SH3GL3: variants seen among roughly 807,000 people sequenced by gnomAD.
The protein encoded by SH3GL3 is SH3 domain containing GRB2 like 3, endophilin A3, also known as endophilin-A3.
A neutral mutation model predicts 47.7 loss-of-function variants in SH3GL3; 33 were observed. The observed-to-expected ratio is 0.69, with a 90% CI of 0.52 to 0.92. The LOEUF is 0.92. Ranked by LOEUF, SH3GL3 falls within the 40% of genes least tolerant of loss-of-function variation. The pLI is 0.00. For synonymous variants in SH3GL3, 155 were observed against 148.8 expected, an observed-to-expected ratio of 1.04 and a Z score of -0.30; for missense variants, 363 against 417.8, an observed-to-expected ratio of 0.87 and a Z score of 1.14.
intron 1 of SH3GL3, among the ~76,000 whole-genome samples, chr15:83,465,987 C>T (rs1411855509): frequency 6.6e-6 from 1 of 152,146 alleles, no homozygotes; most frequent in African/African-American, 2.4e-5. Flanking sequence ...AGGTCCACTA[C>T]CACAAAGATC....
intron 1 of SH3GL3, among the ~76,000 whole-genome samples, chr15:83,497,845 C>G (rs975397729): frequency 6.6e-6 from 1 of 152,224 alleles, no homozygotes; most frequent in African/African-American, 2.4e-5. Flanking sequence ...CAACTCTGCT[C>G]TGTTGTGGAT....
At chr15:83,497,335 C>G (rs1040517318) in intron 1 of SH3GL3, among the ~76,000 whole-genome samples, 1 of 152,034 alleles carries the variant, frequency 6.6e-6, no homozygotes, top group Admixed American at 6.6e-5. Flanking sequence ...GCCTATTGTT[C>G]GAGGAATGCA....
At chr15:83,584,938 A>G (rs1339017022) in intron 6 of SH3GL3, among the ~76,000 whole-genome samples, 1 of 152,116 alleles carries the variant, frequency 6.6e-6, no homozygotes, top group Non-Finnish European at 1.5e-5. Flanking sequence ...TTGTTGCTTT[A>G]TCTTGGTTCT....
At chr15:83,581,018 C>T (rs1354140981) in intron 6 of SH3GL3, among the ~76,000 whole-genome samples, 1 of 152,236 alleles carries the variant, frequency 6.6e-6, no homozygotes, top group Non-Finnish European at 1.5e-5. Context: ...CTGTCCATCT[C>T]TGTTTGGCAC....
chr15:83,466,744 C>G (rs1270059054), intron 1 of SH3GL3, among the ~76,000 whole-genome samples: 1 of 152,140 alleles, frequency 6.6e-6, no homozygotes. Flanking sequence ...TTTAGCCTTT[C>G]TGTTAGATGT....
intron 1 of SH3GL3, among the ~76,000 whole-genome samples, chr15:83,487,878 C>CTTTTT (rs58188472): frequency 7.3e-6 from 1 of 137,638 alleles, no homozygotes; most frequent in South Asian, 2.3e-4. Context: ...TTTTTCTTTT[C>CTTTTT]TTTTTTTTTT....
downstream of SH3GL3, among the ~76,000 whole-genome samples, chr15:83,621,980 T>A (rs989108968): frequency 2.0e-5 from 3 of 151,300 alleles, no homozygotes; most frequent in African/African-American, 7.3e-5. Flanking sequence ...CAGCCAGCTA[T>A]ACACACACAC....
At chr15:83,542,127 T>C (rs555892368) in intron 1 of SH3GL3, among the ~76,000 whole-genome samples, 1 of 152,290 alleles carries the variant, frequency 6.6e-6, no homozygotes, top group East Asian at 1.9e-4. Flanking sequence ...CTTTAATCCA[T>C]TTTGATTTGA....
At chr15:83,463,646 A>G (rs2040412772) in intron 1 of SH3GL3, among the ~76,000 whole-genome samples, 1 of 151,714 alleles carries the variant, frequency 6.6e-6, no homozygotes, top group African/African-American at 2.4e-5. Flanking sequence ...CCTCTCTAGT[A>G]TCTCCTGTCT....
intron 1 of SH3GL3, among the ~76,000 whole-genome samples, chr15:83,458,309 G>A (rs1293538362): frequency 6.6e-6 from 1 of 152,160 alleles, no homozygotes; most frequent in Non-Finnish European, 1.5e-5. Context: ...CTTTCCCAAT[G>A]GGAATTCCTT....
rs2060304733 is a variant in SH3GL3 at position 83,598,876 on chromosome 15, T to G, written c.838+10105T>G. On this transcript the variant is annotated intron_variant, in intron 8 of 8. Transcript: ENST00000427482. Reference sequence around the variant, plus strand: ...TTTCCATTGTAATTATTTTCATGCTTACAGTCTCTATAGCATGTGGTACTA... The same window carrying G: ...TTTCCATTGTAATTATTTTCATGCTGACAGTCTCTATAGCATGTGGTACTA... Among the ~76,000 whole-genome samples the G allele has an allele frequency of 2.0e-5, 3 of 152,236 alleles. No individual in the cohort carries two copies. In the South Asian group the frequency reaches 6.2e-4, roughly 31 times the overall value.
chr15:83,519,617 A>G (rs187117408), intron 1 of SH3GL3, among the ~76,000 whole-genome samples: 64 of 152,280 alleles, frequency 4.2e-4, no homozygotes, highest in African/African-American at 1.5e-3. Flanking sequence ...GTGAAGAGAA[A>G]TACTTTCACT....
intron 8 of SH3GL3, among the ~76,000 whole-genome samples, chr15:83,594,387 A>G (rs1174282011): frequency 6.6e-6 from 1 of 152,224 alleles, no homozygotes; most frequent in Non-Finnish European, 1.5e-5. Context: ...CTTACAGAAA[A>G]GTTGTGACGA....
intron 1 of SH3GL3, among the ~76,000 whole-genome samples, chr15:83,472,103 C>G (rs180946430): frequency 2.0e-5 from 3 of 152,154 alleles, no homozygotes; most frequent in Admixed American, 6.5e-5. Flanking sequence ...AGGCTCATCT[C>G]GAACTCCTGA....
chr15:83,613,427 T>C (rs1459633091), intron 8 of SH3GL3, among the ~76,000 whole-genome samples: 1 of 152,118 alleles, frequency 6.6e-6, no homozygotes. Flanking sequence ...ATGAATGACA[T>C]GAGAAGTGAG....
chr15:83,574,852 C>T (rs1193785594), intron 5 of SH3GL3, among the ~76,000 whole-genome samples: 1 of 152,196 alleles, frequency 6.6e-6, no homozygotes, highest in Non-Finnish European at 1.5e-5. Flanking sequence ...CACCCCTCAG[C>T]TCGGATGTGC....
At chr15:83,501,179 A>G (rs1190809852) in intron 1 of SH3GL3, among the ~76,000 whole-genome samples, 1 of 152,246 alleles carries the variant, frequency 6.6e-6, no homozygotes, top group African/African-American at 2.4e-5. Flanking sequence ...ACAGCTTGTT[A>G]CACTGTTTAT....
At chr15:83,513,167 GGA>G (rs2042838294) in intron 1 of SH3GL3, among the ~76,000 whole-genome samples, 1 of 152,212 alleles carries the variant, frequency 6.6e-6, no homozygotes, top group South Asian at 2.1e-4. Context: ...ATCACAGCAT[GGA>G]GCTGAGAGGC....
rs12912312 is a variant in SH3GL3, at chr15:83,460,045, C to T, written c.45+12467C>T. On this transcript the variant is annotated intron_variant, in intron 1 of 8. Transcript: ENST00000427482. ...CCTCCCCTCCCTCCCTCCCTCCCTC[C>T]CTCCCTCCCTGCCTCCCTCCCTCCC... Among the ~76,000 whole-genome samples, 27 of 69,170 alleles carry T rather than the reference C, an allele frequency of 3.9e-4. 1 individual carries two copies. Among genetic ancestry groups the T allele is most frequent in the African/African-American group, 1.2e-3 (25 of 20,242 alleles). 45.4% of individuals were successfully genotyped at this position (69,170 alleles called of 152,430 possible). A position where few individuals can be genotyped will look rare whatever the true frequency, so the allele number is the denominator to read the frequency against.
Sources: allele counts gnomAD v4.1 joint callset (sites outside exome capture counted in the v4.1 genomes callset), GRCh38; gene constraint gnomAD v4.1.1; transcripts MANE v1.5; gene names NCBI Gene and HGNC (gene_info 2026-07-23, HGNC 2026-07-21).